PDE3B: variants seen among roughly 807,000 people sequenced by gnomAD.
PDE3B encodes cGMP-inhibited 3',5'-cyclic phosphodiesterase 3B.
PDE3B carries 66 observed loss-of-function variants against 116.8 expected under a neutral mutation model. The ratio of observed to expected loss-of-function variants is 0.56; its 90% CI spans 0.46 to 0.69. PDE3B has a LOEUF of 0.69. Among genes scored for constraint, PDE3B ranks in the 30% least tolerant of loss-of-function variants. The pLI is 0.00. For missense variants in PDE3B, 1,384 were observed against 1,368.1 expected, an observed-to-expected ratio of 1.01 and a Z score of -0.18; for synonymous variants, 595 against 533.6, an observed-to-expected ratio of 1.12 and a Z score of -1.59.
intron 7 of PDE3B, among the ~76,000 whole-genome samples, chr11:14,823,193 C>A (rs1419612273): frequency 6.6e-6 from 1 of 152,186 alleles, no homozygotes; most frequent in African/African-American, 2.4e-5. Flanking sequence ...CTAGGAAGTC[C>A]AAGGTGACTA....
At chr11:14,821,615 C>T (rs893939819) in intron 7 of PDE3B, among the ~76,000 whole-genome samples, 2 of 151,198 alleles carry the variant, frequency 1.3e-5, no homozygotes, top group African/African-American at 2.4e-5. Context: ...CAAGAATACT[C>T]GAATAGTCTA....
Position 14,740,517 on chromosome 11 carries a change from GGTCT to G in PDE3B, c.979-31415_979-31412del, listed in dbSNP as rs544429810. ...TTTCATCTTTATTAGTCTGGCTAGC[GGTCT>G]GTCTATTTTGGTAATGTTTTCAAAA... On this transcript the variant is annotated intron_variant, in intron 1 of 15. Coordinates refer to ENST00000282096, the MANE Select transcript of PDE3B (RefSeq NM_000922.4). Among the ~76,000 whole-genome samples the G allele has an allele frequency of 1.1e-3, 166 of 151,986 alleles. 1 individual carries two copies. The highest frequency in any genetic ancestry group is 2.5e-3 in the South Asian group (12 of 4,818).
chr11:14,788,588 A>C lies in PDE3B; in HGVS notation c.1279-518A>C, dbSNP rs577709176. ...TTGAACATTTGGGTTAGTTGAGAATATTTTTTAAAATTAGGGCAAAATATT... is the reference window on the plus strand; with the variant it reads ...TTGAACATTTGGGTTAGTTGAGAATCTTTTTTAAAATTAGGGCAAAATATT... On this transcript the variant is annotated intron_variant, in intron 3 of 15. Transcript: ENST00000282096. Among the ~76,000 whole-genome samples the C allele has an allele frequency of 5.9e-5, 9 of 151,980 alleles. No individual in the cohort carries two copies. In the South Asian group the frequency reaches 1.9e-3, roughly 31 times the overall value.
At chr11:14,801,663 T>C (rs984047829) in intron 4 of PDE3B, among the ~76,000 whole-genome samples, 1 of 152,172 alleles carries the variant, frequency 6.6e-6, no homozygotes, top group Non-Finnish European at 1.5e-5. Context: ...TTGAAAACTG[T>C]GCTGGGAGGT....
the PDE3B span, chr11:14,892,146 C>T: frequency 6.2e-7 from 1 of 1,611,266 alleles, no homozygotes; most frequent in Non-Finnish European, 8.5e-7. Context: ...CGAAGAGCAG[C>T]AGGAAGAGCG....
At chr11:14,885,966 A>T in the PDE3B span, 1 of 1,575,676 alleles carries the variant, frequency 6.3e-7, no homozygotes, top group Non-Finnish European at 8.7e-7. Flanking sequence ...ATGTATGGAG[A>T]AATATAACCA....
At chr11:14,714,554 A>T (rs1855817203) in intron 1 of PDE3B, among the ~76,000 whole-genome samples, 1 of 151,810 alleles carries the variant, frequency 6.6e-6, no homozygotes, top group South Asian at 2.1e-4. Context: ...AAAAAAAAAA[A>T]AAAAAGAAAT....
the PDE3B span, among the ~76,000 whole-genome samples, chr11:14,895,159 T>C: frequency 6.6e-6 from 1 of 152,222 alleles, no homozygotes; most frequent in African/African-American, 2.4e-5. Flanking sequence ...AGCCCTGGCC[T>C]GGGCCGTGGG....
intron 2 of PDE3B, among the ~76,000 whole-genome samples, chr11:14,779,757 C>T (rs2133907319): frequency 6.6e-6 from 1 of 152,190 alleles, no homozygotes; most frequent in South Asian, 2.1e-4. Context: ...GAAACTGCAC[C>T]AAGTAACAAG....
chr11:14,649,357 A>G (rs1314751349), intron 1 of PDE3B, among the ~76,000 whole-genome samples: 1 of 152,222 alleles, frequency 6.6e-6, no homozygotes, highest in East Asian at 1.9e-4. Flanking sequence ...GAGTTTATCT[A>G]ATCTAATTGA....
intron 1 of PDE3B, among the ~76,000 whole-genome samples, chr11:14,739,872 T>C (rs1003655350): frequency 6.6e-6 from 1 of 152,206 alleles, no homozygotes; most frequent in African/African-American, 2.4e-5. Context: ...ATGTGGTTTT[T>C]GTCATTGGTT....
the PDE3B span, among the ~76,000 whole-genome samples, chr11:14,881,981 A>G: frequency 6.6e-6 from 1 of 152,146 alleles, no homozygotes. Flanking sequence ...CAAAATTTAC[A>G]TTCCAACAAC....
chr11:14,885,756 A>T, the PDE3B span: 2 of 1,610,354 alleles, frequency 1.2e-6, no homozygotes, highest in Non-Finnish European at 1.7e-6. Flanking sequence ...AAATCACTAA[A>T]TAGGTGCAAA....
intron 1 of PDE3B, among the ~76,000 whole-genome samples, chr11:14,752,377 G>A (rs1173569849): frequency 6.6e-6 from 1 of 152,092 alleles, no homozygotes; most frequent in Non-Finnish European, 1.5e-5. Flanking sequence ...TCTGAAATAA[G>A]GCTTTGTTGT....
At chr11:14,727,726 T>G (rs1416431793) in intron 1 of PDE3B, among the ~76,000 whole-genome samples, 1 of 152,140 alleles carries the variant, frequency 6.6e-6, no homozygotes, top group Non-Finnish European at 1.5e-5. Flanking sequence ...ATCAGATAGA[T>G]CTGTTTTCTA....
chr11:14,752,640 C>T (rs1857085016), intron 1 of PDE3B, among the ~76,000 whole-genome samples: 1 of 152,050 alleles, frequency 6.6e-6, no homozygotes, highest in Non-Finnish European at 1.5e-5. Flanking sequence ...TAAGGAGATC[C>T]ATTGAATATA....
the PDE3B span, chr11:14,891,802 C>A: frequency 2.2e-5 from 31 of 1,410,784 alleles, no homozygotes; most frequent in Non-Finnish European, 2.9e-5. Flanking sequence ...CAAGGGGGCA[C>A]GGCGTCGAGG....
Position 14,673,837 on chromosome 11 carries a change from GTC to G in PDE3B, c.978+28789_978+28790del, listed in dbSNP as rs926422428. On this transcript the variant is annotated intron_variant, in intron 1 of 15. Coordinates refer to ENST00000282096, the MANE Select transcript of PDE3B (RefSeq NM_000922.4). ...TCTGCAAGAATTTCGGCATACTGTGGTCTCTCAAATTTGTAGAGTAGTTGGGT... is the reference window on the plus strand; with the variant it reads ...TCTGCAAGAATTTCGGCATACTGTGGTCTCAAATTTGTAGAGTAGTTGGGT... 4 of 1,124,354 alleles carry G rather than the reference GTC, an allele frequency of 3.6e-6. No individual in the cohort carries two copies. In the African/African-American group the frequency reaches 6.1e-5, roughly 17 times the overall value. 69.6% of individuals were successfully genotyped at this position (1,124,354 alleles called of 1,614,324 possible).
chr11:14,761,638 T>C (rs576036540), intron 1 of PDE3B, among the ~76,000 whole-genome samples: 19 of 152,296 alleles, frequency 1.2e-4, no homozygotes, highest in African/African-American at 4.3e-4. Context: ...TAGGATACCA[T>C]GATGATCCCT....
Sources: allele counts gnomAD v4.1 joint callset (sites outside exome capture counted in the v4.1 genomes callset), GRCh38; gene constraint gnomAD v4.1.1; transcripts MANE v1.5; gene names NCBI Gene and HGNC (gene_info 2026-07-23, HGNC 2026-07-21).